The following MMP16 variants were observed in gnomAD, a reference collection of about 807,000 sequenced individuals.
MMP16 encodes the protein matrix metallopeptidase 16, also known as matrix metalloproteinase-16.
MMP16 carries 12 observed loss-of-function variants against 67.8 expected under a neutral mutation model. That is an observed-to-expected ratio of 0.18 (90% CI 0.11 to 0.29). The LOEUF is 0.29. Ranked by LOEUF, MMP16 falls within the 10% of genes least tolerant of loss-of-function variation. MMP16 has a pLI of 1.00. For missense variants in MMP16, 475 were observed against 765.7 expected, an observed-to-expected ratio of 0.62 and a Z score of 4.48; for synonymous variants, 249 against 255.9, an observed-to-expected ratio of 0.97 and a Z score of 0.26.
intron 6 of MMP16, among the ~76,000 whole-genome samples, chr8:88,096,347 T>G (rs1439471141): frequency 6.6e-6 from 1 of 151,918 alleles, no homozygotes; most frequent in Non-Finnish European, 1.5e-5. Flanking sequence ...TGTGATGATA[T>G]TTTAATAACT....
At position 88,112,666 on chromosome 8, in the gene MMP16, G is replaced by GGGGTGTGTGTGTGTGTGTGT. The variant is rs1554578643; in HGVS notation, c.1083+3840_1083+3841insACACACACACACACACACCC. ...AATTTTTCATGCATAAGGACAGAAG[G>GGGGTGTGTGTGTGTGTGTGT]GTGTGTGTGTGTGTGTGTCTGTGTG... On this transcript the variant is annotated intron_variant, in intron 6 of 9. Coordinates refer to ENST00000286614, the MANE Select transcript of MMP16 (RefSeq NM_005941.5). Among the ~76,000 whole-genome samples, 769 of 146,888 alleles carry GGGGTGTGTGTGTGTGTGTGT rather than the reference G, an allele frequency of 5.2e-3. 7 individuals are homozygous for GGGGTGTGTGTGTGTGTGTGT. The highest frequency in any genetic ancestry group is 0.033 in the East Asian group (162 of 4,934).
chr8:88,202,577 G>T (rs934190480), intron 1 of MMP16, among the ~76,000 whole-genome samples: 1 of 150,660 alleles, frequency 6.6e-6, no homozygotes, highest in Admixed American at 6.6e-5. Context: ...AGATTTTACT[G>T]TTTTTTTTTC....
At chr8:88,097,625 CAAAAAA>C (rs34488162) in intron 6 of MMP16, among the ~76,000 whole-genome samples, 1 of 67,480 alleles carries the variant, frequency 1.5e-5, no homozygotes, top group Non-Finnish European at 2.7e-5. Context: ...AACCCTGTCT[CAAAAAA>C]AAAAAAAAAA....
intron 1 of MMP16, among the ~76,000 whole-genome samples, chr8:88,299,212 C>A (rs576671267): frequency 6.6e-6 from 1 of 152,072 alleles, no homozygotes; most frequent in Non-Finnish European, 1.5e-5. Context: ...CAGATAAGTT[C>A]GGTTTTTCAT....
intron 7 of MMP16, among the ~76,000 whole-genome samples, chr8:88,071,885 C>T (rs1299038062): frequency 6.6e-6 from 1 of 151,912 alleles, no homozygotes; most frequent in Non-Finnish European, 1.5e-5. Flanking sequence ...GGCTGCAAAG[C>T]CTAAAATATT....
chr8:88,130,315 A>C (rs539989010), intron 4 of MMP16, among the ~76,000 whole-genome samples: 2 of 151,800 alleles, frequency 1.3e-5, no homozygotes, highest in East Asian at 3.9e-4. Context: ...TGATTCATGC[A>C]TGGCCTAGTA....
chr8:88,249,780 G>A (rs1314768719), intron 1 of MMP16, among the ~76,000 whole-genome samples: 1 of 152,060 alleles, frequency 6.6e-6, no homozygotes, highest in African/African-American at 2.4e-5. Context: ...AAGGGTAGAG[G>A]AAATCCATGA....
intron 3 of MMP16, among the ~76,000 whole-genome samples, chr8:88,183,807 C>T (rs1809023764): frequency 6.6e-6 from 1 of 150,668 alleles, no homozygotes; most frequent in African/African-American, 2.4e-5. Flanking sequence ...CCTCCACCTC[C>T]CGGGTTCAAG....
At chr8:88,148,017 C>G (rs190965478) in intron 4 of MMP16, among the ~76,000 whole-genome samples, 4 of 152,176 alleles carry the variant, frequency 2.6e-5, no homozygotes, top group East Asian at 1.9e-4. Flanking sequence ...CTTTTTTACT[C>G]TCTATACTGC....
intron 6 of MMP16, among the ~76,000 whole-genome samples, chr8:88,106,057 A>G (rs1467416132): frequency 1.5e-3 from 18 of 11,864 alleles, no homozygotes; most frequent in Admixed American, 5.0e-3. Flanking sequence ...TTATGTATAT[A>G]TATATATATA....
At chr8:88,236,755 C>T (rs368676222) in intron 1 of MMP16, among the ~76,000 whole-genome samples, 1 of 90,478 alleles carries the variant, frequency 1.1e-5, no homozygotes, top group African/African-American at 6.4e-5. Flanking sequence ...AAAATAACAA[C>T]AACAAACAGA....
intron 1 of MMP16, among the ~76,000 whole-genome samples, chr8:88,251,179 C>T (rs1486606841): frequency 2.3e-4 from 34 of 148,748 alleles, no homozygotes; most frequent in African/African-American, 6.7e-4. Context: ...GAGCCCGCAT[C>T]GCCAAGTCAA....
At chr8:88,145,210 C>A (rs1808271115) in intron 4 of MMP16, among the ~76,000 whole-genome samples, 1 of 151,912 alleles carries the variant, frequency 6.6e-6, no homozygotes, top group Non-Finnish European at 1.5e-5. Context: ...TACTACACAC[C>A]TAGGCTATAT....
At chr8:88,070,409 G>A (rs539916284) in intron 7 of MMP16, among the ~76,000 whole-genome samples, 134 of 152,274 alleles carry the variant, frequency 8.8e-4, no homozygotes, top group Non-Finnish European at 1.4e-3. Flanking sequence ...ATGAACAGGT[G>A]GTTGGGGGCA....
intron 1 of MMP16, among the ~76,000 whole-genome samples, chr8:88,216,914 G>C (rs1485580657): frequency 6.6e-6 from 1 of 151,756 alleles, no homozygotes; most frequent in African/African-American, 2.4e-5. Flanking sequence ...ATAAATATCT[G>C]GTTCCTCCAG....
At chr8:88,131,108 T>G (rs1033844666) in intron 4 of MMP16, among the ~76,000 whole-genome samples, 2 of 151,754 alleles carry the variant, frequency 1.3e-5, no homozygotes, top group Admixed American at 1.3e-4. Flanking sequence ...TACAAAAATC[T>G]TTTAAGGTAG....
intron 4 of MMP16, among the ~76,000 whole-genome samples, chr8:88,135,013 T>C (rs1205762420): frequency 6.6e-6 from 1 of 151,732 alleles, no homozygotes; most frequent in Non-Finnish European, 1.5e-5. Context: ...CCTTTTCCTA[T>C]AATGAATTCA....
intron 1 of MMP16, among the ~76,000 whole-genome samples, chr8:88,275,533 T>G (rs944585731): frequency 1.1e-4 from 16 of 151,936 alleles, no homozygotes; most frequent in Non-Finnish European, 2.2e-4. Context: ...TCTAATAAAC[T>G]ACATCATGGG....
intron 1 of MMP16, among the ~76,000 whole-genome samples, chr8:88,202,536 G>T (rs1809359511): frequency 6.6e-6 from 1 of 152,064 alleles, no homozygotes; most frequent in Non-Finnish European, 1.5e-5. Flanking sequence ...AGGCTGGAAA[G>T]TTGCAGAAGA....
Sources: gnomAD v4.1 joint callset for allele counts (sites outside exome capture counted in the v4.1 genomes callset) on GRCh38, gnomAD v4.1.1 for gene constraint, MANE v1.5 for transcripts, NCBI Gene and HGNC (gene_info 2026-07-23, HGNC 2026-07-21) for gene names.